BICDL2: variants seen among roughly 807,000 people sequenced by gnomAD.
BICDL2 encodes BICD family like cargo adaptor 2, also known as BICD family-like cargo adapter 2.
In BICDL2, 62 loss-of-function variants were observed where a neutral mutation model predicts 56.6. The observed-to-expected ratio is 1.10, with a 90% CI of 0.89 to 1.35. The LOEUF is 1.35. Ranked by LOEUF, BICDL2 falls within the 40% of genes most tolerant of loss-of-function variation. BICDL2 has a pLI of 0.00. For synonymous variants in BICDL2, 358 were observed against 319.8 expected, an observed-to-expected ratio of 1.12 and a Z score of -1.27; for missense variants, 808 against 684.5, an observed-to-expected ratio of 1.18 and a Z score of -2.01.
chr16:3,035,913 G>A (rs899685100), intron 1 of BICDL2: 2 of 294,564 alleles, frequency 6.8e-6, no homozygotes, highest in Admixed American at 5.1e-5. Context: ...GGACTCAGCA[G>A]TTGGAGTTGG....
At position 3,030,765 on chromosome 16, in the gene BICDL2, C is replaced by T; in HGVS notation, c.546G>A (p.Arg182=). The T allele has an allele frequency of 3.1e-6, 5 of 1,612,612 alleles. No individual in the cohort carries two copies. The highest frequency in any genetic ancestry group is 3.4e-6 in the Non-Finnish European group (4 of 1,179,738). Residue 182 remains arginine (R), a synonymous_variant, in exon 4 of 10, where the codon CGG becomes CGA. Transcript: ENST00000572449. ...CCAGTGCCTGAGCCTGGCACTGTCC[C>T]CGAAGGGCGTCCAGTTCCCTCTGAA... ...QELQRELDAL[R]GQCQAQALAG...
chr16:3,028,522 CG>C, intron 8 of BICDL2, 54 bp from the exon 9 acceptor site: 1 of 1,553,576 alleles, frequency 6.4e-7, no homozygotes, highest in African/African-American at 1.4e-5. Flanking sequence ...CTCAGGGAGC[CG>C]GGGTGGCGGG....
In BICDL2 at chr16:3,027,863, G is replaced by A; in HGVS notation, c.*243C>T. 1 of 823,350 alleles carries A rather than the reference G, an allele frequency of 1.2e-6. No individual in the cohort carries two copies. Among genetic ancestry groups the A allele is most frequent in the Non-Finnish European group, 1.8e-6 (1 of 555,428 alleles). The allele number at this position is 823,350 out of a possible 1,614,324, so 51.0% of individuals were successfully genotyped here. On this transcript the variant is annotated 3_prime_UTR_variant, in exon 10 of 10. Coordinates refer to ENST00000572449, the MANE Select transcript of BICDL2 (RefSeq NM_001369667.1). ...CCCCATCCCTGCCCTAGAAAAGATA[G>A]ACGTATATTAATTCGGAAAATAGCT...
chr16:3,033,581 G>A (rs1021203245), intron 2 of BICDL2, among the ~76,000 whole-genome samples: 3 of 152,062 alleles, frequency 2.0e-5, no homozygotes, highest in African/African-American at 7.2e-5. Context: ...AGGAGTTTGA[G>A]ACCAGCCTGG....
intron 6 of BICDL2, 30 bp downstream of exon 6, chr16:3,029,515 G>C (rs564100878): frequency 6.4e-7 from 1 of 1,564,856 alleles, no homozygotes. Flanking sequence ...CGATGGCACA[G>C]GTAAGGGGGC....
rs768575293 is a variant in BICDL2 at position 3,036,164 on chromosome 16, C to T, written c.-30-638G>A. 3.4e-4 allele frequency: 145 copies of T among 422,644 alleles called. 4 individuals are homozygous for T. Among genetic ancestry groups the T allele is most frequent in the South Asian group, 2.4e-3 (142 of 59,634 alleles). 26.2% of individuals were successfully genotyped at this position (422,644 alleles called of 1,614,324 possible). A position where few individuals can be genotyped will look rare whatever the true frequency, so the allele number is the denominator to read the frequency against. On this transcript the variant is annotated intron_variant, in intron 1 of 9. Coordinates refer to ENST00000572449, the MANE Select transcript of BICDL2 (RefSeq NM_001369667.1). ...GATTCCCACCCCAGTCCCCATTTTCCACGGGACTCAGGCATTCATGCCCCC... is the reference window on the plus strand; with the variant it reads ...GATTCCCACCCCAGTCCCCATTTTCTACGGGACTCAGGCATTCATGCCCCC...
intron 2 of BICDL2, chr16:3,032,349 T>C (rs1403130007): frequency 6.6e-6 from 1 of 152,266 alleles, no homozygotes; most frequent in Admixed American, 6.5e-5. Context: ...GGTCAGATTG[T>C]CCTGGCTGAT....
intron 2 of BICDL2, chr16:3,031,515 T>C: frequency 4.3e-6 from 2 of 463,106 alleles, no homozygotes; most frequent in East Asian, 6.5e-5. Flanking sequence ...ACACCTGCTG[T>C]GTCCCAGGGG....
intron 2 of BICDL2, among the ~76,000 whole-genome samples, chr16:3,034,208 A>G (rs1336719155): frequency 1.3e-5 from 2 of 152,190 alleles, no homozygotes; most frequent in Admixed American, 6.5e-5. Context: ...ACTGCTGAGG[A>G]GCTGGACCCA....
Position 3,028,709 on chromosome 16 carries a change from G to A in BICDL2, c.1229C>T (p.Ala410Val). The part of the protein sequence containing the change: ...LHSALSDRDE[A>V]VNKALELSLQ... ...ATGGCTTGAGGCTTACTTGTTCACGGCCTCGTCCCGGTCTGAGAGGGCACT... is the reference window on the plus strand; with the variant it reads ...ATGGCTTGAGGCTTACTTGTTCACGACCTCGTCCCGGTCTGAGAGGGCACT... The change falls in exon 8 of 10, where the codon GCC becomes GTC. Residue 410 changes from alanine to valine, a missense_variant. Ala to Val is a moderately conservative substitution (Grantham distance 64). Coordinates refer to ENST00000572449, the MANE Select transcript of BICDL2 (RefSeq NM_001369667.1). 1 of 1,569,290 alleles carries A rather than the reference G, an allele frequency of 6.4e-7. No individual in the cohort carries two copies. Among genetic ancestry groups the A allele is most frequent in the Non-Finnish European group, 8.6e-7 (1 of 1,157,366 alleles).
chr16:3,035,344 GGC>G lies in BICDL2; in HGVS notation c.151_152del (p.Ala51LeufsTer25), dbSNP rs1416293654. 1 of 1,599,410 alleles carries G rather than the reference GGC, an allele frequency of 6.3e-7. No individual in the cohort carries two copies. The highest frequency in any genetic ancestry group is 8.5e-7 in the Non-Finnish European group (1 of 1,173,652). ...CTTTCTCCTTCTGCTGCAGCTGCAA[GGC>G]TAGGTCCTCGGGCTCCTCAGGCCCT... ...GPGPEEPEDL[A>X]LQLQQKEKDL... On this transcript the variant is annotated frameshift_variant, in exon 2 of 10. Coordinates refer to ENST00000572449, the MANE Select transcript of BICDL2 (RefSeq NM_001369667.1). LOFTEE classifies it high-confidence loss of function.
Position 3,028,016 on chromosome 16 carries a change from T to C in BICDL2, c.*90A>G. ...GGGGCGGGGAGGGCATCAGCTTCTTTTGGAAGACAATCTGGGCCCTGTCGC... is the reference window on the plus strand; with the variant it reads ...GGGGCGGGGAGGGCATCAGCTTCTTCTGGAAGACAATCTGGGCCCTGTCGC... On this transcript the variant is annotated 3_prime_UTR_variant, in exon 10 of 10. Coordinates refer to ENST00000572449, the MANE Select transcript of BICDL2 (RefSeq NM_001369667.1). 1 of 1,373,734 alleles carries C rather than the reference T, an allele frequency of 7.3e-7. No homozygotes were observed. Among genetic ancestry groups the C allele is most frequent in the Non-Finnish European group, 9.4e-7 (1 of 1,064,192 alleles). 85.1% of individuals were successfully genotyped at this position (1,373,734 alleles called of 1,614,324 possible). A position where few individuals can be genotyped will look rare whatever the true frequency, so the allele number is the denominator to read the frequency against.
chr16:3,036,299 G>C, intron 1 of BICDL2: 2 of 452,290 alleles, frequency 4.4e-6, no homozygotes, highest in Non-Finnish European at 8.9e-6. Context: ...CCCGGCCGCA[G>C]CGCGGCTCGG....
In BICDL2 at chr16:3,035,220, C is replaced by A. The variant is rs1318491439; in HGVS notation, c.277G>T (p.Glu93Ter). 1 of 1,264,326 alleles carries A rather than the reference C, an allele frequency of 7.9e-7. No homozygotes were observed. Among genetic ancestry groups the A allele is most frequent in the East Asian group, 5.9e-5 (1 of 17,068 alleles). The allele number at this position is 1,264,326 out of a possible 1,614,324, so 78.3% of individuals were successfully genotyped here. ...CCCGTCCAGTGCTAGCTCACTTCCT[C>A]ACGCTCCAAGTGCTGGGCGCTCAGC... Reference protein sequence around the residue: ...ETLSAQHLEREERLQQENHEL... With the variant: ...ETLSAQHLER Residue 93 changes from glutamate (E) to a stop codon, truncating the protein, a stop_gained, in exon 2 of 10, where the codon GAG becomes TAG. Transcript: ENST00000572449. LOFTEE classifies it high-confidence loss of function.
At chr16:3,034,162 G>T (rs1456913839) in intron 2 of BICDL2, among the ~76,000 whole-genome samples, 3 of 152,240 alleles carry the variant, frequency 2.0e-5, no homozygotes, top group African/African-American at 7.2e-5. Context: ...CAGGCAAGGA[G>T]TGGACACCCA....
At chr16:3,029,232 C>G (rs766653565) in intron 7 of BICDL2, 48 bp downstream of exon 7, 2 of 1,586,322 alleles carry the variant, frequency 1.3e-6, no homozygotes, top group East Asian at 2.3e-5. Flanking sequence ...GAGACAGAAA[C>G]TGACAGCTGG....
chr16:3,030,057 TAAG>T (rs1412411431), intron 5 of BICDL2: 15 of 475,768 alleles, frequency 3.2e-5, no homozygotes, highest in Non-Finnish European at 1.1e-5. Flanking sequence ...CAGTAGTAAG[TAAG>T]AAGGGGCACC....
Position 3,030,715 on chromosome 16 carries a change from A to G in BICDL2, c.596T>C (p.Leu199Pro). The G allele has an allele frequency of 2.5e-6, 4 of 1,611,970 alleles. No individual in the cohort carries two copies. The highest frequency in any genetic ancestry group is 2.5e-6 in the Non-Finnish European group (3 of 1,179,652). ...ALAGAELRTR[L>P]ESLQGENQML... ...ACTCACTTCCCCCTGCAGACTCTCC[A>G]GCCGCGTCCTCAGCTCTGCTCCAGC... The change falls in exon 4 of 10, where the codon CTG becomes CCG. Residue 199 changes from leucine (L) to proline (P), a missense_variant. By Grantham distance (98) the Leu-to-Pro change is moderately conservative. Coordinates refer to ENST00000572449, the MANE Select transcript of BICDL2 (RefSeq NM_001369667.1).
At chr16:3,028,523 G>A (rs1955592945) in intron 8 of BICDL2, 55 bp from the exon 9 acceptor site, 3 of 1,552,886 alleles carry the variant, frequency 1.9e-6, no homozygotes, top group South Asian at 1.2e-5. Flanking sequence ...TCAGGGAGCC[G>A]GGGTGGCGGG....
Sources: allele counts gnomAD v4.1 joint callset (sites outside exome capture counted in the v4.1 genomes callset), GRCh38; gene constraint gnomAD v4.1.1; transcripts MANE v1.5; gene names NCBI Gene and HGNC (gene_info 2026-07-23, HGNC 2026-07-21).